Variants in ENAH observed in about 807,000 individuals in gnomAD.
ENAH encodes the protein protein enabled homolog.
Under a neutral mutation model 78.7 loss-of-function variants are expected in ENAH, and 23 were observed. The ratio of observed to expected loss-of-function variants is 0.29; its 90% CI spans 0.21 to 0.41. ENAH has a LOEUF of 0.41. ENAH is among the 10% of genes least tolerant of loss of function. The pLI is 1.00. For synonymous variants in ENAH, 226 were observed against 241.0 expected, an observed-to-expected ratio of 0.94 and a Z score of 0.58; for missense variants, 544 against 691.0, an observed-to-expected ratio of 0.79 and a Z score of 2.39.
chr1:225,636,267 TTTTTAC>T (rs1660043408), intron 1 of ENAH, among the ~76,000 whole-genome samples: 1 of 152,210 alleles, frequency 6.6e-6, no homozygotes, highest in African/African-American at 2.4e-5. Context: ...TTTAGTTAAC[TTTTTAC>T]AGACTCAGAA....
chr1:225,620,780 G>C (rs556074753), intron 1 of ENAH, among the ~76,000 whole-genome samples: 1 of 151,934 alleles, frequency 6.6e-6, no homozygotes, highest in Non-Finnish European at 1.5e-5. Flanking sequence ...CAAGGTGGGC[G>C]GATCACCCAA....
chr1:225,564,366 C>T (rs1386938439), intron 2 of ENAH, among the ~76,000 whole-genome samples: 6 of 152,012 alleles, frequency 3.9e-5, no homozygotes, highest in South Asian at 2.1e-4. Context: ...CTCGGCTCAC[C>T]GCAACCTCCG....
At chr1:225,618,364 G>A (rs773019102) in intron 1 of ENAH, among the ~76,000 whole-genome samples, 5 of 152,040 alleles carry the variant, frequency 3.3e-5, no homozygotes, top group African/African-American at 1.2e-4. Flanking sequence ...AAAGGTTCAC[G>A]CATCTCACTT....
chr1:225,568,551 C>T (rs2096745894), intron 1 of ENAH, among the ~76,000 whole-genome samples: 2 of 152,212 alleles, frequency 1.3e-5, no homozygotes, highest in Non-Finnish European at 2.9e-5. Flanking sequence ...TGGAAATCCT[C>T]TGAAGTAGCT....
intron 1 of ENAH, among the ~76,000 whole-genome samples, chr1:225,640,893 C>CT (rs61440195): frequency 0.079 from 10,361 of 130,956 alleles, 580 homozygotes; most frequent in Middle Eastern, 0.11. Flanking sequence ...CAAGTACATA[C>CT]TTTTTTTTTT....
intron 3 of ENAH, among the ~76,000 whole-genome samples, chr1:225,543,768 C>T (rs1337023653): frequency 1.3e-5 from 2 of 152,118 alleles, no homozygotes; most frequent in Admixed American, 6.5e-5. Context: ...AGCATCTACC[C>T]CTTAGGAATT....
chr1:225,597,845 T>C (rs138096213), intron 1 of ENAH, among the ~76,000 whole-genome samples: 82 of 152,270 alleles, frequency 5.4e-4, no homozygotes, highest in African/African-American at 1.9e-3. Context: ...CATATTCTAC[T>C]GAGAGCTAGA....
chr1:225,513,813 G>A (rs1011230837), intron 7 of ENAH, among the ~76,000 whole-genome samples: 2 of 152,006 alleles, frequency 1.3e-5, no homozygotes, highest in Admixed American at 6.6e-5. Flanking sequence ...TCAACATCGC[G>A]AAACCCTATC....
chr1:225,582,292 C>T (rs1405334180), intron 1 of ENAH, among the ~76,000 whole-genome samples: 3 of 152,076 alleles, frequency 2.0e-5, no homozygotes, highest in Admixed American at 2.0e-4. Flanking sequence ...CCTATGGAAC[C>T]GTAAGCCAAT....
chr1:225,625,221 T>C (rs1180283813), intron 1 of ENAH, among the ~76,000 whole-genome samples: 1 of 152,202 alleles, frequency 6.6e-6, no homozygotes, highest in Non-Finnish European at 1.5e-5. Flanking sequence ...TAAAACAAGA[T>C]AAAGTAAATA....
chr1:225,590,300 C>T (rs945577450), intron 1 of ENAH, among the ~76,000 whole-genome samples: 14 of 151,888 alleles, frequency 9.2e-5, no homozygotes, highest in African/African-American at 3.1e-4. Context: ...CATGGTGAGA[C>T]GCTGTCTCAA....
At chr1:225,551,018 A>G (rs1383956327) in intron 3 of ENAH, among the ~76,000 whole-genome samples, 1 of 152,214 alleles carries the variant, frequency 6.6e-6, no homozygotes, top group East Asian at 1.9e-4. Flanking sequence ...CATAACTATT[A>G]CCTATAAAAA....
chr1:225,623,588 T>G (rs1406256750), intron 1 of ENAH, among the ~76,000 whole-genome samples: 2 of 8,470 alleles, frequency 2.4e-4, no homozygotes, highest in South Asian at 8.1e-3. Context: ...TTTTGTTGGG[T>G]TTTTTTTTTT....
intron 9 of ENAH, 120 bp downstream of exon 9, chr1:225,512,537 T>G: frequency 1.0e-6 from 1 of 997,572 alleles, no homozygotes; most frequent in South Asian, 1.8e-5. Flanking sequence ...AGTTAAAAAT[T>G]AGCAAATATA....
chr1:225,556,515 C>A (rs542084767), intron 2 of ENAH, among the ~76,000 whole-genome samples: 1 of 152,010 alleles, frequency 6.6e-6, no homozygotes, highest in South Asian at 2.1e-4. Context: ...AGTCTCTTGT[C>A]CATTTTTCTC....
intron 1 of ENAH, among the ~76,000 whole-genome samples, chr1:225,621,471 T>A (rs902085262): frequency 2.6e-5 from 4 of 151,710 alleles, no homozygotes; most frequent in Admixed American, 6.6e-5. Context: ...TTTTTGTATT[T>A]TTAGTAGAGA....
intron 1 of ENAH, among the ~76,000 whole-genome samples, chr1:225,569,139 C>T (rs542973645): frequency 1.1e-3 from 163 of 152,346 alleles, no homozygotes; most frequent in Non-Finnish European, 2.2e-3. Context: ...GGAAAGATTA[C>T]ATGAAACAAG....
intron 2 of ENAH, among the ~76,000 whole-genome samples, chr1:225,557,638 T>C (rs750989440): frequency 6.6e-6 from 1 of 152,086 alleles, no homozygotes; most frequent in African/African-American, 2.4e-5. Flanking sequence ...CTGGCCAACA[T>C]GGTGAAACCC....
intron 1 of ENAH, among the ~76,000 whole-genome samples, chr1:225,588,801 CAAAAAAA>C (rs55962047): frequency 7.6e-4 from 60 of 78,444 alleles, no homozygotes; most frequent in Middle Eastern, 0.015. Flanking sequence ...AAGTCTGTGT[CAAAAAAA>C]AAAAAAAAAA....
Sources: allele counts gnomAD v4.1 joint callset (sites outside exome capture counted in the v4.1 genomes callset), GRCh38; gene constraint gnomAD v4.1.1; transcripts MANE v1.5; gene names NCBI Gene and HGNC (gene_info 2026-07-23, HGNC 2026-07-21).